The following PLA2G7 variants were observed in gnomAD, a reference collection of about 807,000 sequenced individuals.
PLA2G7 encodes the protein phospholipase A2 group VII.
In PLA2G7, 63 loss-of-function variants were observed where a neutral mutation model predicts 49.6. The ratio of observed to expected loss-of-function variants is 1.27; its 90% confidence interval spans 1.04 to 1.57. The LOEUF is 1.57. Ranked by LOEUF, PLA2G7 falls within the 40% of genes most tolerant of loss-of-function variation. PLA2G7 has a pLI of 0.00. For synonymous variants in PLA2G7, 193 were observed against 169.9 expected, an observed-to-expected ratio of 1.14 and a Z score of -1.06; for missense variants, 596 against 521.2, an observed-to-expected ratio of 1.14 and a Z score of -1.40.
chr6:46,716,808 G>C (rs551804839), intron 3 of PLA2G7, among the ~76,000 whole-genome samples, 167 bp downstream of exon 3: 1 of 152,280 alleles, frequency 6.6e-6, no homozygotes, highest in South Asian at 2.1e-4. Context: ...CAATAACAAA[G>C]AATTGAGGAA....
chr6:46,723,294 T>G (rs917599285), intron 1 of PLA2G7, among the ~76,000 whole-genome samples: 2 of 152,234 alleles, frequency 1.3e-5, no homozygotes, highest in Non-Finnish European at 2.9e-5. Flanking sequence ...TAGGTATGTC[T>G]AGCACATAGT....
intron 10 of PLA2G7, among the ~76,000 whole-genome samples, chr6:46,707,529 C>G (rs1333385569): frequency 6.6e-6 from 1 of 152,108 alleles, no homozygotes; most frequent in Non-Finnish European, 1.5e-5. Context: ...CTTGTGAGAC[C>G]TGGTTATTTA....
At chr6:46,731,262 C>A (rs986008575) in intron 1 of PLA2G7, among the ~76,000 whole-genome samples, 1 of 152,292 alleles carries the variant, frequency 6.6e-6, no homozygotes, top group South Asian at 2.1e-4. Flanking sequence ...AGAGAAAATT[C>A]AAGAGCTTCC....
intron 10 of PLA2G7, among the ~76,000 whole-genome samples, chr6:46,706,203 C>T (rs1342561130): frequency 6.6e-6 from 1 of 152,210 alleles, no homozygotes; most frequent in East Asian, 1.9e-4. Flanking sequence ...CCCAGTCCTG[C>T]CCAAAGCTGC....
intron 1 of PLA2G7, among the ~76,000 whole-genome samples, chr6:46,725,029 A>G (rs745810960): frequency 1.1e-4 from 16 of 152,244 alleles, no homozygotes; most frequent in Non-Finnish European, 1.8e-4. Context: ...AGACAAGACT[A>G]GCATATATTA....
intron 7 of PLA2G7, 102 bp downstream of exon 7, chr6:46,711,394 G>T: frequency 7.9e-7 from 1 of 1,270,820 alleles, no homozygotes; most frequent in Non-Finnish European, 1.1e-6. Flanking sequence ...AAATAGGAGA[G>T]CTAGGAGCAT....
intron 1 of PLA2G7, among the ~76,000 whole-genome samples, chr6:46,731,822 C>A (rs890134767): frequency 4.6e-5 from 7 of 152,218 alleles, no homozygotes; most frequent in African/African-American, 1.7e-4. Flanking sequence ...CAATCTCATT[C>A]CCATTTTGTA....
chr6:46,734,182 CT>C (rs1409368655), intron 1 of PLA2G7, among the ~76,000 whole-genome samples: 3 of 152,070 alleles, frequency 2.0e-5, no homozygotes, highest in Admixed American at 6.5e-5. Flanking sequence ...TCTCCCTTGA[CT>C]TGGTGACACA....
intron 1 of PLA2G7, among the ~76,000 whole-genome samples, chr6:46,727,099 A>C (rs1765595900): frequency 6.6e-6 from 1 of 152,052 alleles, no homozygotes; most frequent in Non-Finnish European, 1.5e-5. Flanking sequence ...ATTCCATTTA[A>C]ACGGATTCTA....
intron 8 of PLA2G7, among the ~76,000 whole-genome samples, 161 bp from the exon 9 acceptor site, chr6:46,709,579 CACACATAT>C (rs142888330): frequency 1.3e-5 from 2 of 152,108 alleles, no homozygotes; most frequent in African/African-American, 4.8e-5. Context: ...ACATACCATA[CACACATAT>C]ACATCTATAT....
intron 1 of PLA2G7, among the ~76,000 whole-genome samples, chr6:46,727,237 T>G (rs45538535): frequency 6.6e-6 from 1 of 152,286 alleles, no homozygotes; most frequent in Non-Finnish European, 1.5e-5. Context: ...TTCCCCTATT[T>G]GTCACTGTTA....
chr6:46,734,405 T>C (rs1765831108), intron 1 of PLA2G7, among the ~76,000 whole-genome samples: 1 of 55,836 alleles, frequency 1.8e-5, no homozygotes, highest in Non-Finnish European at 2.8e-5. Flanking sequence ...TGTAGTGGTG[T>C]GTGTGTGTGT....
chr6:46,719,206 T>G (rs1765314514), intron 2 of PLA2G7, among the ~76,000 whole-genome samples: 1 of 152,240 alleles, frequency 6.6e-6, no homozygotes, highest in Non-Finnish European at 1.5e-5. Context: ...AAGAGCTATG[T>G]TAGATAAAGC....
rs748660580 is a variant in PLA2G7 at position 46,716,436 on chromosome 6, G to T, written c.324C>A (p.Ser108Arg). ...IPNKEYFWGL[S>R]KFLGTHWLMG... ...TAAGCCAGTGTGTTCCAAGAAATTTGCTAAGACCCCAAAAATATTCTTTAT... is the reference window on the plus strand; with the variant it reads ...TAAGCCAGTGTGTTCCAAGAAATTTTCTAAGACCCCAAAAATATTCTTTAT... The change falls in exon 4 of 12, where the codon AGC becomes AGA. Residue 108 changes from serine (S) to arginine (R), a missense_variant. Physicochemically the swap from Ser to Arg is moderately radical, Grantham distance 110. Coordinates refer to ENST00000274793, the MANE Select transcript of PLA2G7 (RefSeq NM_005084.4). 1.2e-6 allele frequency: 2 copies of T among 1,614,006 alleles called. No homozygotes were observed. Among genetic ancestry groups the T allele is most frequent in the East Asian group, 2.2e-5 (1 of 44,854 alleles).
At chr6:46,724,208 A>G (rs1765497729) in intron 1 of PLA2G7, among the ~76,000 whole-genome samples, 1 of 152,076 alleles carries the variant, frequency 6.6e-6, no homozygotes, top group African/African-American at 2.4e-5. Context: ...ATTTTTCTCC[A>G]ATATTTATCA....
rs1764710519 is a variant in PLA2G7 at position 46,704,360 on chromosome 6, AATTC to A, written c.*196_*199del. ...TCTTTCTTTACATCTAAAGGGAAAA[AATTC>A]TTAGTCCAAGCTTCAATCACGATTA... On this transcript the variant is annotated 3_prime_UTR_variant, in exon 12 of 12. Coordinates refer to ENST00000274793, the MANE Select transcript of PLA2G7 (RefSeq NM_005084.4). The A allele has an allele frequency of 5.3e-6, 3 of 570,314 alleles. No homozygotes were observed. In the Admixed American group the frequency reaches 9.0e-5, roughly 17 times the overall value. 35.3% of individuals were successfully genotyped at this position (570,314 alleles called of 1,614,324 possible).
At chr6:46,729,064 A>T (rs1238119452) in intron 1 of PLA2G7, among the ~76,000 whole-genome samples, 1 of 152,096 alleles carries the variant, frequency 6.6e-6, no homozygotes, top group East Asian at 1.9e-4. Context: ...TCCAAAGTCT[A>T]CCAATTGCTA....
At chr6:46,721,208 T>G (rs1284931734) in intron 2 of PLA2G7, among the ~76,000 whole-genome samples, 2 of 151,868 alleles carry the variant, frequency 1.3e-5, no homozygotes, top group Non-Finnish European at 2.9e-5. Flanking sequence ...ACCCAGCTAA[T>G]TTTATGTATT....
intron 7 of PLA2G7, among the ~76,000 whole-genome samples, chr6:46,711,113 G>A (rs577020217): frequency 6.6e-6 from 1 of 152,184 alleles, no homozygotes; most frequent in Admixed American, 6.5e-5. Flanking sequence ...AACATAGAAA[G>A]TTGGGTTCTA....
Sources: gnomAD v4.1 joint callset for allele counts (sites outside exome capture counted in the v4.1 genomes callset) on GRCh38, gnomAD v4.1.1 for gene constraint, MANE v1.5 for transcripts, NCBI Gene and HGNC (gene_info 2026-07-23, HGNC 2026-07-21) for gene names.